The following SMYD3 variants were observed in gnomAD, a reference collection of about 807,000 sequenced individuals.
SMYD3 encodes the protein histone-lysine N-methyltransferase SMYD3.
Under a neutral mutation model 57.7 loss-of-function variants are expected in SMYD3, and 36 were observed. The ratio of observed to expected loss-of-function variants is 0.62; its 90% CI spans 0.48 to 0.82. The LOEUF (loss-of-function observed/expected upper bound fraction) is 0.82, where lower values mean the gene tolerates loss of function less well. SMYD3 is among the 40% of genes least tolerant of loss of function. The pLI is 0.00. For missense variants in SMYD3, 515 were observed against 538.8 expected (o/e 0.96, Z 0.44); for synonymous variants, 211 against 195.0 (o/e 1.08, Z -0.68).
chr1:246,242,506 G>C (rs2063631771), intron 5 of SMYD3, among the ~76,000 whole-genome samples: 1 of 151,720 alleles, frequency 6.6e-6, no homozygotes, highest in Non-Finnish European at 1.5e-5. Context: ...GTGCTTTACT[G>C]AGACCATCGA....
At chr1:246,194,927 C>T (rs185694940) in intron 5 of SMYD3, among the ~76,000 whole-genome samples, 1 of 152,196 alleles carries the variant, frequency 6.6e-6, no homozygotes, top group Non-Finnish European at 1.5e-5. Flanking sequence ...CACACTAAAG[C>T]TGTAACTACA....
At position 245,758,994 on chromosome 1, in the gene SMYD3, C is replaced by A. The variant is rs557533947; in HGVS notation, c.1185+5047G>T. ...AGCAAGAGAATGAAGTGATGACACC[C>A]TGTTACTGCCAGGCGGGAGTACAAG... On this transcript the variant is annotated intron_variant, in intron 11 of 11. Coordinates refer to ENST00000490107, the MANE Select transcript of SMYD3 (RefSeq NM_001167740.2). 3.3e-5 allele frequency among the ~76,000 whole-genome samples: 5 copies of A among 152,310 alleles called. No homozygotes were observed. In the East Asian group the frequency reaches 9.6e-4, roughly 29 times the overall value.
intron 5 of SMYD3, among the ~76,000 whole-genome samples, chr1:246,069,938 G>T (rs2060413866): frequency 6.6e-6 from 1 of 152,198 alleles, no homozygotes; most frequent in African/African-American, 2.4e-5. Flanking sequence ...TTAGTTTGGG[G>T]GGAAGTGAAT....
At chr1:245,851,651 T>C (rs1468049501) in intron 10 of SMYD3, among the ~76,000 whole-genome samples, 2 of 152,134 alleles carry the variant, frequency 1.3e-5, no homozygotes, top group Non-Finnish European at 2.9e-5. Context: ...AGCTGCACAG[T>C]GGAGCTCATA....
chr1:246,399,918 ATT>A (rs1339886723), intron 1 of SMYD3, among the ~76,000 whole-genome samples: 8 of 152,336 alleles, frequency 5.3e-5, no homozygotes, highest in African/African-American at 1.9e-4. Context: ...ACAATTATGA[ATT>A]TGTTATATTC....
rs561977900 is a variant in SMYD3 at position 246,245,498 on chromosome 1, T to C, written c.531+81703A>G. 2.6e-5 allele frequency among the ~76,000 whole-genome samples: 4 copies of C among 152,172 alleles called. No individual in the cohort carries two copies. The South Asian group carries it at 6.2e-4, about 24-fold the overall frequency. Reference sequence around the variant, plus strand: ...TGGGAATAAAAGTATTTTTGAAACATGTAGATCCTCTTTTATTAAGAAAGA... The same window carrying C: ...TGGGAATAAAAGTATTTTTGAAACACGTAGATCCTCTTTTATTAAGAAAGA... On this transcript the variant is annotated intron_variant, in intron 5 of 11. Transcript: ENST00000490107.
intron 10 of SMYD3, among the ~76,000 whole-genome samples, chr1:245,809,332 G>A (rs2048336694): frequency 6.6e-6 from 1 of 152,170 alleles, no homozygotes; most frequent in Non-Finnish European, 1.5e-5. Context: ...AACCTGCACT[G>A]ACAGACAGTG....
rs367558113 is a variant in SMYD3, at chr1:245,997,049, G to C, written c.532-67112C>G. ...GTATGCGCATATGCTGCGTTTTTCC[G>C]CAGGTGCCTCGCAGTCTGCTCTGGC... is the stretch of plus-strand genomic sequence containing the variant. On this transcript the variant is annotated intron_variant, in intron 5 of 11. Coordinates refer to ENST00000490107, the MANE Select transcript of SMYD3 (RefSeq NM_001167740.2). Among the ~76,000 whole-genome samples, 7 of 152,322 alleles carry C rather than the reference G, an allele frequency of 4.6e-5. No homozygotes were observed. In the East Asian group the frequency reaches 7.7e-4, roughly 17 times the overall value.
At chr1:245,882,980 A>G (rs1572585517) in intron 8 of SMYD3, among the ~76,000 whole-genome samples, 1 of 152,236 alleles carries the variant, frequency 6.6e-6, no homozygotes, top group Non-Finnish European at 1.5e-5. Flanking sequence ...GTGCTTCGCT[A>G]ATAGCTAATG....
chr1:246,454,191 AG>A (rs2067669310), intron 1 of SMYD3, among the ~76,000 whole-genome samples: 1 of 152,212 alleles, frequency 6.6e-6, no homozygotes, highest in African/African-American at 2.4e-5. Context: ...GCATCCATAA[AG>A]AAACTGCTAT....
intron 5 of SMYD3, among the ~76,000 whole-genome samples, chr1:246,034,056 AATT>A (rs1258380134): frequency 1.2e-4 from 18 of 152,234 alleles, no homozygotes; most frequent in Non-Finnish European, 2.2e-4. Context: ...ATAATTTAAA[AATT>A]ATTACGTATA....
Position 246,225,321 on chromosome 1 carries a change from CA to C in SMYD3, c.531+101879del, listed in dbSNP as rs60915002. Among the ~76,000 whole-genome samples the C allele has an allele frequency of 1.4e-3, 107 of 76,218 alleles. 1 individual carries two copies. The highest frequency in any genetic ancestry group is 2.5e-3 in the Non-Finnish European group (82 of 33,396). 50.0% of individuals were successfully genotyped at this position (76,218 alleles called of 152,430 possible). A position where few individuals can be genotyped will look rare whatever the true frequency, so the allele number is the denominator to read the frequency against. ...GTTATGTGGAAGACTGCTGAAAAGTCAAAAAAAAAAAAAAAAAAAAAAAAAA... is the reference window on the plus strand; with the variant it reads ...GTTATGTGGAAGACTGCTGAAAAGTCAAAAAAAAAAAAAAAAAAAAAAAAA... On this transcript the variant is annotated intron_variant, in intron 5 of 11. Transcript: ENST00000490107.
intron 1 of SMYD3, among the ~76,000 whole-genome samples, chr1:246,504,878 C>T (rs1486269807): frequency 2.6e-5 from 4 of 152,214 alleles, no homozygotes. Context: ...AGAAACTTAT[C>T]CCTCAAGGAC....
chr1:246,347,403 CAA>C (rs2065740561), intron 2 of SMYD3, among the ~76,000 whole-genome samples: 2 of 152,160 alleles, frequency 1.3e-5, no homozygotes, highest in Non-Finnish European at 2.9e-5. Context: ...TACAGAAAAT[CAA>C]AAGTTTTTTA....
At chr1:246,357,353 C>G (rs1040905743) in intron 1 of SMYD3, among the ~76,000 whole-genome samples, 2 of 152,144 alleles carry the variant, frequency 1.3e-5, no homozygotes, top group Non-Finnish European at 2.9e-5. Flanking sequence ...CTGTTACACT[C>G]CCATCAGTGC....
At chr1:246,450,303 A>C (rs1351402800) in intron 1 of SMYD3, among the ~76,000 whole-genome samples, 1 of 151,950 alleles carries the variant, frequency 6.6e-6, no homozygotes, top group African/African-American at 2.4e-5. Context: ...AAAAAAAAAA[A>C]CTCATCAACA....
intron 8 of SMYD3, among the ~76,000 whole-genome samples, chr1:245,880,140 T>C (rs1288815126): frequency 6.6e-6 from 1 of 152,242 alleles, no homozygotes; most frequent in Non-Finnish European, 1.5e-5. Flanking sequence ...ACAGTTGCCA[T>C]GCACACCGCT....
At chr1:246,149,737 T>C (rs1490651114) in intron 5 of SMYD3, among the ~76,000 whole-genome samples, 1 of 152,206 alleles carries the variant, frequency 6.6e-6, no homozygotes, top group East Asian at 1.9e-4. Context: ...CCCCAAAATA[T>C]GCCAAGTAGA....
Position 246,335,452 on chromosome 1 carries a change from T to C in SMYD3, c.251A>G (p.Lys84Arg), listed in dbSNP as rs992809841. Residue 84 changes from lysine to arginine, a missense_variant, in exon 3 of 12, where the codon AAG becomes AGG. By Grantham distance (26) the Lys-to-Arg change is conservative. Transcript: ENST00000490107. ...GCTTTTAAGGCATTTGCATTCCCGC[T>C]TGTGGTCTGGCCAAGCTTTTTTCTA... is the stretch of plus-strand genomic sequence containing the variant. ...KCQKKAWPDHKRECKCLKSCK... is the reference protein window; with the variant it reads ...KCQKKAWPDHRRECKCLKSCK... 1.2e-6 allele frequency: 2 copies of C among 1,614,046 alleles called. No homozygotes were observed. The highest frequency in any genetic ancestry group is 2.7e-5 in the African/African-American group (2 of 74,930).
Sources: gnomAD v4.1 joint callset for allele counts (sites outside exome capture counted in the v4.1 genomes callset) on GRCh38, gnomAD v4.1.1 for gene constraint, MANE v1.5 for transcripts, NCBI Gene and HGNC (gene_info 2026-07-23, HGNC 2026-07-21) for gene names.